The following C17orf99 variants were observed in gnomAD, a reference collection of about 807,000 sequenced individuals.
The protein encoded by C17orf99 is protein IL-40.
A neutral mutation model predicts 22.6 loss-of-function variants in C17orf99; 18 were observed. That is an observed-to-expected ratio of 0.80 (90% CI 0.55 to 1.18). The LOEUF is 1.18. Ranked by LOEUF, C17orf99 falls within the 50% of genes most tolerant of loss-of-function variation. The pLI, the probability that C17orf99 is intolerant of heterozygous loss-of-function variation, is 0.00. For synonymous variants in C17orf99, 147 were observed against 136.6 expected (o/e 1.08, Z -0.53); for missense variants, 328 against 342.7 (o/e 0.96, Z 0.34).
rs544984690 is a variant in C17orf99 at position 78,157,411 on chromosome 17, C to A, written c.71-3544C>A. 4.8e-4 allele frequency: 614 copies of A among 1,283,828 alleles called. 1 individual carries two copies. Among genetic ancestry groups the A allele is most frequent in the Non-Finnish European group, 5.9e-4 (556 of 935,142 alleles). 79.5% of individuals were successfully genotyped at this position (1,283,828 alleles called of 1,614,324 possible). On this transcript the variant is annotated intron_variant, in intron 2 of 4. Coordinates refer to ENST00000340363, the MANE Select transcript of C17orf99 (RefSeq NM_001163075.2). Reference sequence around the variant, plus strand: ...TCAGTGAGTTCGTGCGAGTTGGAATCGAAGCCTCTTAAAATGGCAGATGAT... The same window carrying A: ...TCAGTGAGTTCGTGCGAGTTGGAATAGAAGCCTCTTAAAATGGCAGATGAT...
At chr17:78,146,038 C>G (rs2075435426), upstream of C17orf99, among the ~76,000 whole-genome samples, 1 of 152,088 alleles carries the variant, frequency 6.6e-6, no homozygotes, top group Non-Finnish European at 1.5e-5. The surrounding 1 kb of genome is among the most constrained non-coding windows in gnomAD (Gnocchi z 5.2). Flanking sequence ...TCCGCCCATC[C>G]AGGCCTCCCA....
upstream of C17orf99, among the ~76,000 whole-genome samples, chr17:78,145,837 C>T (rs1166049003): frequency 6.7e-6 from 1 of 150,162 alleles, no homozygotes; most frequent in Non-Finnish European, 1.5e-5. Context: ...ACTCTGTTGC[C>T]CAGGCTGGAG....
intron 2 of C17orf99, among the ~76,000 whole-genome samples, chr17:78,150,397 G>A (rs1161118053): frequency 6.6e-6 from 1 of 152,138 alleles, no homozygotes; most frequent in Non-Finnish European, 1.5e-5. Context: ...TCCCTCTTTA[G>A]CCTCCCGAAG....
chr17:78,164,140 G>A lies in C17orf99; in HGVS notation c.416G>A (p.Gly139Glu), dbSNP rs868085812. The A allele has an allele frequency of 5.8e-6, 9 of 1,551,570 alleles. No homozygotes were observed. In the African/African-American group the frequency reaches 1.2e-4, roughly 21 times the overall value. The change falls in exon 4 of 5, where the codon GGG (glycine) becomes GAG (glutamate). Residue 139 changes from glycine (G) to glutamate (E), a missense_variant. Transcript: ENST00000340363. ...GCCAACTTCACTCTGCAGGACAGAGGGGCAGGCCCCAGGGTGGAGATGATC... is the reference window on the plus strand; with the variant it reads ...GCCAACTTCACTCTGCAGGACAGAGAGGCAGGCCCCAGGGTGGAGATGATC... The part of the protein sequence containing the change: ...LRANFTLQDR[G>E]AGPRVEMICQ...
chr17:78,149,007 A>G (rs2075457004), intron 2 of C17orf99, among the ~76,000 whole-genome samples: 1 of 152,000 alleles, frequency 6.6e-6, no homozygotes, highest in African/African-American at 2.4e-5. Flanking sequence ...GGCAGATGGC[A>G]TGGGATGGGA....
intron 2 of C17orf99, among the ~76,000 whole-genome samples, chr17:78,156,286 C>T (rs982594903): frequency 3.5e-5 from 5 of 140,854 alleles, no homozygotes; most frequent in African/African-American, 1.4e-4. Flanking sequence ...GCCAAGATTG[C>T]ACCACTGCAC....
chr17:78,155,439 C>G (rs940563124), intron 2 of C17orf99, among the ~76,000 whole-genome samples: 6 of 152,054 alleles, frequency 3.9e-5, no homozygotes, highest in Admixed American at 2.6e-4. Flanking sequence ...TACCCCTCCC[C>G]CAAGCACTGC....
At chr17:78,148,478 A>G (rs1463626796) in intron 2 of C17orf99, among the ~76,000 whole-genome samples, 2 of 152,066 alleles carry the variant, frequency 1.3e-5, no homozygotes, top group Admixed American at 1.3e-4. Flanking sequence ...GTGAACCGTA[A>G]TCATTAACAG....
At chr17:78,158,008 C>A (rs2075541879) in intron 2 of C17orf99, 3 of 1,358,994 alleles carry the variant, frequency 2.2e-6, no homozygotes, top group Non-Finnish European at 3.1e-6. Context: ...AAAGGAATGA[C>A]TTCCAGCTGA....
At chr17:78,164,642 G>C (rs1240514194) in intron 4 of C17orf99, 1 of 1,481,084 alleles carries the variant, frequency 6.8e-7, no homozygotes, top group East Asian at 2.8e-5. Flanking sequence ...CCAGGATGCT[G>C]GGCTGGACCA....
intron 4 of C17orf99, chr17:78,164,994 C>G: frequency 9.1e-7 from 1 of 1,100,142 alleles, no homozygotes; most frequent in Non-Finnish European, 1.1e-6. Flanking sequence ...GATGATGCCT[C>G]CAGGAGACCA....
At chr17:78,148,500 C>G (rs1392063861) in intron 2 of C17orf99, among the ~76,000 whole-genome samples, 1 of 152,066 alleles carries the variant, frequency 6.6e-6, no homozygotes, top group African/African-American at 2.4e-5. Flanking sequence ...GCACTTCAGC[C>G]TGGGTGGCAG....
At chr17:78,157,750 T>C (rs1213918853) in intron 2 of C17orf99, 19 of 516,284 alleles carry the variant, frequency 3.7e-5, no homozygotes, top group Non-Finnish European at 5.5e-5. Flanking sequence ...TGAGCCGAGA[T>C]TGTGCCACTG....
intron 4 of C17orf99, chr17:78,164,636 G>A (rs1437540192): frequency 2.0e-6 from 3 of 1,489,198 alleles, no homozygotes; most frequent in Admixed American, 4.1e-5. Context: ...TCACCTCCAG[G>A]ATGCTGGGCT....
chr17:78,157,136 C>T (rs1402957385), intron 2 of C17orf99, among the ~76,000 whole-genome samples: 1 of 151,196 alleles, frequency 6.6e-6, no homozygotes, highest in African/African-American at 2.4e-5. Flanking sequence ...TCAAGACCAG[C>T]CTAACCAACA....
intron 2 of C17orf99, among the ~76,000 whole-genome samples, chr17:78,155,636 C>A (rs2075519607): frequency 6.6e-6 from 1 of 151,460 alleles, no homozygotes; most frequent in African/African-American, 2.4e-5. Context: ...TATTCTTTTT[C>A]TTTTTTTTGA....
intron 2 of C17orf99, among the ~76,000 whole-genome samples, chr17:78,148,601 G>A (rs2075453569): frequency 6.6e-6 from 1 of 152,132 alleles, no homozygotes; most frequent in South Asian, 2.1e-4. Context: ...AGGTAGGTAG[G>A]GGAAGGAGGG....
At chr17:78,161,623 C>T (rs1347600425) in intron 3 of C17orf99, among the ~76,000 whole-genome samples, 3 of 152,086 alleles carry the variant, frequency 2.0e-5, no homozygotes, top group Non-Finnish European at 4.4e-5. Flanking sequence ...ACAGGCTGAT[C>T]GCTTGAGCCC....
Position 78,163,306 on chromosome 17 carries a change from G to A in C17orf99, c.371-789G>A, listed in dbSNP as rs182336031. On this transcript the variant is annotated intron_variant, in intron 3 of 4. Transcript: ENST00000340363. The stretch of plus-strand genomic sequence containing the variant: ...CTATTAAATGAAAGCCTTTTAGTAG[G>A]TGGCAAGTGTGGTGGTGATTACTCA... Among the ~76,000 whole-genome samples the A allele has an allele frequency of 3.0e-3, 457 of 152,230 alleles. 2 individuals are homozygous for A. The highest frequency in any genetic ancestry group is 9.6e-3 in the African/African-American group (399 of 41,542).
Sources: allele counts gnomAD v4.1 joint callset (sites outside exome capture counted in the v4.1 genomes callset), GRCh38; gene constraint gnomAD v4.1.1; non-coding constraint Gnocchi (gnomAD v3.1); transcripts MANE v1.5; gene names NCBI Gene and HGNC (gene_info 2026-07-23, HGNC 2026-07-21).